The following STYXL1 variants were observed in gnomAD, a reference collection of about 807,000 sequenced individuals.
The protein encoded by STYXL1 is serine/threonine/tyrosine interacting like 1.
In STYXL1, 32 loss-of-function variants were observed where a neutral mutation model predicts 36.4. That is an observed-to-expected ratio of 0.88 (90% CI 0.66 to 1.18). The LOEUF is 1.18. Among genes scored for constraint, STYXL1 ranks in the 50% most tolerant of loss-of-function variants. STYXL1 has a pLI of 0.00. For synonymous variants in STYXL1, 133 were observed against 144.1 expected (o/e 0.92, Z 0.55); for missense variants, 354 against 394.1 (o/e 0.90, Z 0.86).
At chr7:76,006,266 TGG>T (rs1791753512) in intron 5 of STYXL1, among the ~76,000 whole-genome samples, 1 of 151,974 alleles carries the variant, frequency 6.6e-6, no homozygotes, top group Admixed American at 6.6e-5. Context: ...TTTGTAGAGA[TGG>T]GGTCTCACTA....
At chr7:76,043,160 G>C (rs1021267660) in intron 1 of STYXL1, among the ~76,000 whole-genome samples, 3 of 152,148 alleles carry the variant, frequency 2.0e-5, no homozygotes, top group Admixed American at 2.0e-4. Context: ...TTGCTTTTCT[G>C]AGATGGAGTC....
rs549047711 is a variant in STYXL1, at chr7:76,020,661, A to T, written c.307+1190T>A. ...CTTAAGTCTCAGGCAACACAGCAAGACCCAGTCTTTACAAAAAGTAAATAA... is the reference window on the plus strand; with the variant it reads ...CTTAAGTCTCAGGCAACACAGCAAGTCCCAGTCTTTACAAAAAGTAAATAA... On this transcript the variant is annotated intron_variant, in intron 4 of 8. Coordinates refer to ENST00000359697, the MANE Select transcript of STYXL1 (RefSeq NM_001317785.2). Among the ~76,000 whole-genome samples, 102 of 152,148 alleles carry T rather than the reference A, an allele frequency of 6.7e-4. 2 individuals carry two copies. The highest frequency in any genetic ancestry group is 4.4e-4 in the Non-Finnish European group (30 of 68,022).
At position 76,005,386 on chromosome 7, in the gene STYXL1, G is replaced by A. The variant is rs782129395; in HGVS notation, c.472C>T (p.Pro158Ser). Residue 158 changes from proline to serine, a missense_variant, in exon 6 of 9, where the codon CCA becomes TCA. Physicochemically the swap from Pro to Ser is moderately conservative, Grantham distance 74 (BLOSUM62 -1). Coordinates refer to ENST00000359697, the MANE Select transcript of STYXL1 (RefSeq NM_001317785.2). ...CCTGGCACGATTTCAATGGGGTATGGCTGAAATGCATCCAGTTCCTGAAGT... is the reference window on the plus strand; with the variant it reads ...CCTGGCACGATTTCAATGGGGTATGACTGAAATGCATCCAGTTCCTGAAGT... ...WMPQELDAFQ[P>S]YPIEIVPGKV... 13 of 1,612,338 alleles carry A rather than the reference G, an allele frequency of 8.1e-6. No homozygotes were observed. The Admixed American group carries it at 1.8e-4, about 23-fold the overall frequency.
chr7:76,042,498 G>A (rs997309394), intron 1 of STYXL1, among the ~76,000 whole-genome samples: 2 of 140,786 alleles, frequency 1.4e-5, no homozygotes, highest in Non-Finnish European at 3.0e-5. Context: ...CTGCCTCCAG[G>A]GTTCAAGCAA....
intron 7 of STYXL1, 129 bp downstream of exon 7, chr7:76,003,629 C>T (rs951966420): frequency 3.0e-5 from 24 of 799,914 alleles, no homozygotes; most frequent in Non-Finnish European, 4.2e-5. Flanking sequence ...GAGCATATGC[C>T]GAGCTGGGCC....
intron 5 of STYXL1, among the ~76,000 whole-genome samples, chr7:76,008,593 G>A (rs930799509): frequency 2.0e-5 from 3 of 152,170 alleles, no homozygotes; most frequent in African/African-American, 4.8e-5. Flanking sequence ...GGAGATGCAT[G>A]ACCCCCCACT....
intron 1 of STYXL1, chr7:76,044,956 A>G (rs1563532243): frequency 6.6e-6 from 1 of 152,270 alleles, no homozygotes; most frequent in East Asian, 1.9e-4. Context: ...TGGCTGCTCA[A>G]AGTGTTGGGA....
chr7:76,026,534 G>A (rs149961115), intron 3 of STYXL1, among the ~76,000 whole-genome samples: 4 of 152,166 alleles, frequency 2.6e-5, no homozygotes, highest in South Asian at 2.1e-4. Context: ...CTCCTGCTTC[G>A]GCCAACCAAA....
At chr7:76,022,730 A>T (rs1306343061) in intron 3 of STYXL1, among the ~76,000 whole-genome samples, 1 of 152,070 alleles carries the variant, frequency 6.6e-6, no homozygotes, top group Non-Finnish European at 1.5e-5. Context: ...GTGTAGAAGC[A>T]GAAGTCATGA....
chr7:76,045,772 A>C (rs1481739572), intron 1 of STYXL1: 1 of 152,224 alleles, frequency 6.6e-6, no homozygotes, highest in Non-Finnish European at 1.5e-5. Context: ...CATTCATGGG[A>C]CCGGCACAAT....
At chr7:76,009,395 C>T (rs1792257573) in intron 5 of STYXL1, among the ~76,000 whole-genome samples, 1 of 151,498 alleles carries the variant, frequency 6.6e-6, no homozygotes, top group African/African-American at 2.4e-5. Context: ...ATCGGTGCTA[C>T]CTCCTAAATC....
rs1554568827 is a variant in STYXL1, at chr7:76,003,723, G to A, written c.697+35C>T. 3 of 1,597,616 alleles carry A rather than the reference G, an allele frequency of 1.9e-6. No homozygotes were observed. The South Asian group carries it at 3.3e-5, about 18-fold the overall frequency. ...ACTGCCCCTCTGCTTCCCAGACACA[G>A]GCCAGTTGCTACCCGGCCAAGGAAC... On this transcript the variant is annotated intron_variant, in intron 7 of 8. Coordinates refer to ENST00000359697, the MANE Select transcript of STYXL1 (RefSeq NM_001317785.2).
chr7:76,017,333 T>C (rs1209449486), intron 4 of STYXL1, among the ~76,000 whole-genome samples: 1 of 151,960 alleles, frequency 6.6e-6, no homozygotes, highest in Non-Finnish European at 1.5e-5. Context: ...CCAGATTGGA[T>C]TTTTTAAATG....
At chr7:76,010,658 A>G (rs1792445610) in intron 5 of STYXL1, among the ~76,000 whole-genome samples, 1 of 152,058 alleles carries the variant, frequency 6.6e-6, no homozygotes. Context: ...CTTTCCCACC[A>G]CTAACACGCA....
At chr7:76,004,993 T>A (rs1791480078) in intron 6 of STYXL1, among the ~76,000 whole-genome samples, 1 of 151,960 alleles carries the variant, frequency 6.6e-6, no homozygotes, top group Non-Finnish European at 1.5e-5. Flanking sequence ...AGAGTGAGAC[T>A]CCGTCTCAAA....
intron 1 of STYXL1, among the ~76,000 whole-genome samples, chr7:76,047,086 C>G (rs193135698): frequency 1.9e-5 from 1 of 51,714 alleles, no homozygotes; most frequent in Non-Finnish European, 4.0e-5. Context: ...GTGGTGAAAC[C>G]CCGTCTCTAC....
At chr7:76,036,089 T>TG (rs782217154) in intron 1 of STYXL1, among the ~76,000 whole-genome samples, 1 of 149,748 alleles carries the variant, frequency 6.7e-6, no homozygotes, top group Non-Finnish European at 1.5e-5. Flanking sequence ...TTCTGAACCC[T>TG]GAAGAGTTTA....
At chr7:76,028,615 C>T (rs1554578378) in intron 3 of STYXL1, 27 bp downstream of exon 3, 3 of 1,611,406 alleles carry the variant, frequency 1.9e-6, no homozygotes, top group East Asian at 2.2e-5. Flanking sequence ...AGCCAGCCTG[C>T]CCCAGATCCT....
At chr7:76,020,945 G>A (rs1782605210) in intron 4 of STYXL1, among the ~76,000 whole-genome samples, 1 of 152,088 alleles carries the variant, frequency 6.6e-6, no homozygotes, top group South Asian at 2.1e-4. Context: ...GAAGGGAGGG[G>A]AACAAATGAA....
Sources: gnomAD v4.1 joint callset for allele counts (sites outside exome capture counted in the v4.1 genomes callset) on GRCh38, gnomAD v4.1.1 for gene constraint, MANE v1.5 for transcripts, NCBI Gene and HGNC (gene_info 2026-07-23, HGNC 2026-07-21) for gene names.